Variants in RAPGEFL1 observed in about 807,000 individuals in gnomAD.
RAPGEFL1 encodes rap guanine nucleotide exchange factor-like 1.
In RAPGEFL1, 31 loss-of-function variants were observed where a neutral mutation model predicts 64.4. The observed-to-expected ratio is 0.48, with a 90% CI of 0.36 to 0.65. The LOEUF is 0.65. RAPGEFL1 is among the 30% of genes least tolerant of loss of function. The probability of loss-of-function intolerance (pLI) is 0.00; values close to 1 mark genes in which losing one functional copy is unlikely to be tolerated. For synonymous variants in RAPGEFL1, 331 were observed against 274.1 expected (o/e 1.21, Z -2.05); for missense variants, 682 against 677.4 (o/e 1.01, Z -0.08).
Position 40,177,498 on chromosome 17 carries a change from AGCCGCC to A in RAPGEFL1, c.-346_-341del, listed in dbSNP as rs566747235. 4.5e-5 allele frequency: 27 copies of A among 594,346 alleles called. No homozygotes were observed. The highest frequency in any genetic ancestry group is 9.4e-5 in the South Asian group (5 of 53,206). The allele number at this position is 594,346 out of a possible 1,614,324, so 36.8% of individuals were successfully genotyped here. On this transcript the variant is annotated 5_prime_UTR_variant, in exon 1 of 15. Coordinates refer to ENST00000620260, the MANE Select transcript of RAPGEFL1 (RefSeq NM_016339.6). ...TCCCCCTCTTCACGGCCAGGAGCGC[AGCCGCC>A]GCCGCCGCCGCCGCCGCGTCCTCTC...
intron 1 of RAPGEFL1, among the ~76,000 whole-genome samples, chr17:40,179,155 C>T (rs560085711): frequency 8.1e-4 from 124 of 152,178 alleles, no homozygotes; most frequent in Non-Finnish European, 1.3e-3. Context: ...CAACCTCCAC[C>T]GCCCAGGTTC....
At chr17:40,190,363 A>G in intron 6 of RAPGEFL1, 71 bp from the exon 7 acceptor site, 1 of 1,339,078 alleles carries the variant, frequency 7.5e-7, no homozygotes, top group Non-Finnish European at 1.1e-6. Context: ...TTTGGATAGG[A>G]CAGTGTCAGT....
chr17:40,193,101 C>A, intron 13 of RAPGEFL1, 111 bp downstream of exon 13: 1 of 1,104,662 alleles, frequency 9.1e-7, no homozygotes, highest in Non-Finnish European at 1.4e-6. Flanking sequence ...CCCAGCTTGC[C>A]TAACAGACTC....
Position 40,195,405 on chromosome 17 carries a change from C to A in RAPGEFL1, c.*1617C>A. On this transcript the variant is annotated 3_prime_UTR_variant, in exon 15 of 15. Transcript: ENST00000620260. ...TCCCTGCAGCCCCTGGCTTCCCAGC[C>A]TTCCTCCTGACCCCTTCCAACAGCC... 6.5e-6 allele frequency: 1 copy of A among 153,752 alleles called. No homozygotes were observed. 9.5% of individuals were successfully genotyped at this position (153,752 alleles called of 1,614,324 possible). A position where few individuals can be genotyped will look rare whatever the true frequency, so the allele number is the denominator to read the frequency against.
At position 40,177,924 on chromosome 17, in the gene RAPGEFL1, G is replaced by T. The variant is rs1989765532; in HGVS notation, c.63G>T (p.Ala21=). 2 of 426,110 alleles carry T rather than the reference G, an allele frequency of 4.7e-6. No homozygotes were observed. Among genetic ancestry groups the T allele is most frequent in the Non-Finnish European group, 8.3e-6 (2 of 240,010 alleles). The allele number at this position is 426,110 out of a possible 1,614,324, so 26.4% of individuals were successfully genotyped here. A position where few individuals can be genotyped will look rare whatever the true frequency, so the allele number is the denominator to read the frequency against. Residue 21 remains alanine, a synonymous_variant, in exon 1 of 15, where the codon GCG becomes GCT. Coordinates refer to ENST00000620260, the MANE Select transcript of RAPGEFL1 (RefSeq NM_016339.6). ...CGCAGCTGGCGGGCCGAACGGTGGC[G>T]GGAGGTCCCGGCGGGGGTCTGGGGA... ...QTSQLAGRTV[A]GGPGGGLGSC...
In RAPGEFL1 at chr17:40,191,921, C is replaced by T. The variant is rs561219895; in HGVS notation, c.1605+249C>T. Reference sequence around the variant, plus strand: ...GCCCTTGGCCAGGTCAGGTCGCAGACTTGGCTGTGGGAGTTGGGCTGATTT... The same window carrying T: ...GCCCTTGGCCAGGTCAGGTCGCAGATTTGGCTGTGGGAGTTGGGCTGATTT... On this transcript the variant is annotated intron_variant, in intron 10 of 14. Coordinates refer to ENST00000620260, the MANE Select transcript of RAPGEFL1 (RefSeq NM_016339.6). This position sits in a 1 kb window ranked among gnomAD's most constrained non-coding sequence, Gnocchi z 5.1. Among the ~76,000 whole-genome samples the T allele has an allele frequency of 9.8e-5, 15 of 152,366 alleles. No homozygotes were observed. Among genetic ancestry groups the T allele is most frequent in the Admixed American group, 7.8e-4 (12 of 15,304 alleles).
At chr17:40,186,578 A>C (rs796675054) in intron 4 of RAPGEFL1, among the ~76,000 whole-genome samples, 1 of 89,254 alleles carries the variant, frequency 1.1e-5, no homozygotes, top group African/African-American at 7.1e-5. Flanking sequence ...CCGTCTCAAA[A>C]AAAAAAAAAA....
At chr17:40,187,407 T>C (rs545963840) in intron 4 of RAPGEFL1, among the ~76,000 whole-genome samples, 1 of 152,220 alleles carries the variant, frequency 6.6e-6, no homozygotes, top group Admixed American at 6.5e-5. Flanking sequence ...TCTTTCATGC[T>C]CCTGTTCCAA....
In RAPGEFL1 at chr17:40,190,389, G is replaced by GT. The variant is rs748195043; in HGVS notation, c.1115-44dup. The GT allele has an allele frequency of 7.7e-6, 12 of 1,551,410 alleles. No individual in the cohort carries two copies. The Middle Eastern group carries it at 1.0e-3, about 131-fold the overall frequency. ...CAGTGTCAGTGTGGGATGTGTGAGG[G>GT]TGCAGGCGGCAGGGGCCGAGGATGA... On this transcript the variant is annotated intron_variant, in intron 6 of 14. Transcript: ENST00000620260.
Position 40,193,615 on chromosome 17 carries a change from G to T in RAPGEFL1, c.1865-49G>T, listed in dbSNP as rs1173565134. 3 of 1,613,588 alleles carry T rather than the reference G, an allele frequency of 1.9e-6. No homozygotes were observed. The Admixed American group carries it at 5.0e-5, about 27-fold the overall frequency. Reference sequence around the variant, plus strand: ...TCTTCTGCCCGGTGTGTGTGTAGAGGAAGAAGGGAAGCTGGGAACCTGACT... The same window carrying T: ...TCTTCTGCCCGGTGTGTGTGTAGAGTAAGAAGGGAAGCTGGGAACCTGACT... On this transcript the variant is annotated intron_variant, in intron 14 of 14. Transcript: ENST00000620260.
chr17:40,190,140 G>A (rs1990209957), intron 6 of RAPGEFL1, among the ~76,000 whole-genome samples: 1 of 152,158 alleles, frequency 6.6e-6, no homozygotes, highest in Non-Finnish European at 1.5e-5. Context: ...TGTCACTGAA[G>A]CTTTGTTTTC....
In RAPGEFL1 at chr17:40,190,454, A is replaced by G. The variant is rs760455580; in HGVS notation, c.1135A>G (p.Thr379Ala). 1.2e-6 allele frequency: 2 copies of G among 1,614,170 alleles called. No homozygotes were observed. Among genetic ancestry groups the G allele is most frequent in the Admixed American group, 3.3e-5 (2 of 60,020 alleles). The stretch of plus-strand genomic sequence containing the variant: ...TGCAGAGAAGGTCCTTCTCCAGCCC[A>G]CTGAGGACTGTGTTTTCACCGCACT... Reference protein sequence around the residue: ...SSGEKVLLQPTEDCVFTALGI... With the variant: ...SSGEKVLLQPAEDCVFTALGI... The change falls in exon 7 of 15, where the codon ACT becomes GCT. Residue 379 changes from threonine to alanine, a missense_variant. Thr to Ala is a moderately conservative substitution (Grantham distance 58, BLOSUM62 0). This residue lies in a region of RAPGEFL1 where 411 missense variants were observed against 519.4 expected (regional missense o/e 0.79). Coordinates refer to ENST00000620260, the MANE Select transcript of RAPGEFL1 (RefSeq NM_016339.6).
In RAPGEFL1 at chr17:40,179,064, G is replaced by A. The variant is rs541848595; in HGVS notation, c.520+683G>A. 1.2e-3 allele frequency among the ~76,000 whole-genome samples: 187 copies of A among 151,200 alleles called. 1 individual carries two copies. Among genetic ancestry groups the A allele is most frequent in the African/African-American group, 4.1e-3 (167 of 41,212 alleles). ...CCTTCGGTGGCAGGCCTCAGCACCC[G>A]GCTTTTTTTTTTTTTTCTTTTGGAG... On this transcript the variant is annotated intron_variant, in intron 1 of 14. Coordinates refer to ENST00000620260, the MANE Select transcript of RAPGEFL1 (RefSeq NM_016339.6).
chr17:40,188,064 G>A (rs990648625), intron 4 of RAPGEFL1, among the ~76,000 whole-genome samples: 42 of 151,514 alleles, frequency 2.8e-4, no homozygotes, highest in African/African-American at 8.7e-4. Flanking sequence ...ACAGGTGCAC[G>A]CCACTACGCC....
At chr17:40,180,872 C>T (rs1303786078) in intron 1 of RAPGEFL1, among the ~76,000 whole-genome samples, 1 of 152,246 alleles carries the variant, frequency 6.6e-6, no homozygotes, top group Admixed American at 6.5e-5. Flanking sequence ...TCCCTCCCTG[C>T]ACCTTGTCTG....
chr17:40,178,266 G>A lies in RAPGEFL1; in HGVS notation c.405G>A (p.Glu135=), dbSNP rs577388508. Residue 135 remains glutamate, a synonymous_variant, in exon 1 of 15, where the codon GAG becomes GAA. Transcript: ENST00000620260. The stretch of plus-strand genomic sequence containing the variant: ...CATCTGACGAGCTGTCCCCAGGCGA[G>A]CCCTTGACTTCGCCGCCCTGGGCCC... ...SYSSDELSPG[E]PLTSPPWAPL... is the part of the protein sequence containing the mutation. The A allele has an allele frequency of 3.1e-6, 2 of 650,312 alleles. No individual in the cohort carries two copies. The highest frequency in any genetic ancestry group is 2.2e-5 in the Admixed American group (1 of 45,012). The allele number at this position is 650,312 out of a possible 1,614,324, so 40.3% of individuals were successfully genotyped here. A position where few individuals can be genotyped will look rare whatever the true frequency, so the allele number is the denominator to read the frequency against.
At chr17:40,182,945 C>T (rs913165647) in intron 2 of RAPGEFL1, among the ~76,000 whole-genome samples, 8 of 152,008 alleles carry the variant, frequency 5.3e-5, no homozygotes, top group Admixed American at 2.0e-4. Flanking sequence ...GGCAGGAGTT[C>T]GAGATCAGCC....
Position 40,187,912 on chromosome 17 carries a change from C to CTTT in RAPGEFL1, c.834-934_834-932dup, listed in dbSNP as rs1004508368. ...ACAGGCGTGAGCCACCGCGCCTGGCCTTTTTTTTTTTTTTTTTTTTTTGAG... is the reference window on the plus strand; with the variant it reads ...ACAGGCGTGAGCCACCGCGCCTGGCCTTTTTTTTTTTTTTTTTTTTTTTTTGAG... On this transcript the variant is annotated intron_variant, in intron 4 of 14. Transcript: ENST00000620260. 1.5e-4 allele frequency among the ~76,000 whole-genome samples: 19 copies of CTTT among 125,142 alleles called. 1 individual carries two copies. The highest frequency in any genetic ancestry group is 3.3e-4 in the Admixed American group (4 of 12,052). 82.1% of individuals were successfully genotyped at this position (125,142 alleles called of 152,430 possible).
At chr17:40,190,157 A>G (rs1199610343) in intron 6 of RAPGEFL1, among the ~76,000 whole-genome samples, 1 of 152,240 alleles carries the variant, frequency 6.6e-6, no homozygotes, top group African/African-American at 2.4e-5. Context: ...TTTCCTCTAC[A>G]GTAGGAAAAA....
Sources: gnomAD v4.1 joint callset for allele counts (sites outside exome capture counted in the v4.1 genomes callset) on GRCh38, gnomAD v4.1.1 for gene constraint, gnomAD v4.1.1 regional missense constraint, Gnocchi (gnomAD v3.1) non-coding constraint, MANE v1.5 for transcripts, NCBI Gene and HGNC (gene_info 2026-07-23, HGNC 2026-07-21) for gene names.